NPAS3: variants seen among roughly 807,000 people sequenced by gnomAD.
NPAS3 encodes neuronal PAS domain protein 3.
In NPAS3, 14 loss-of-function variants were observed where a neutral mutation model predicts 73.1. The observed-to-expected ratio is 0.19, with a 90% CI of 0.13 to 0.30. NPAS3 has a LOEUF of 0.30. Among genes scored for constraint, NPAS3 ranks in the 10% least tolerant of loss-of-function variants. The pLI, the probability that NPAS3 is intolerant of heterozygous loss-of-function variation, is 1.00. For missense variants in NPAS3, 1,096 were observed against 1,250.0 expected, an observed-to-expected ratio of 0.88 and a Z score of 1.86; for synonymous variants, 620 against 541.5, an observed-to-expected ratio of 1.14 and a Z score of -2.01.
chr14:33,427,351 C>T (rs2048597835), intron 4 of NPAS3, among the ~76,000 whole-genome samples: 2 of 151,910 alleles, frequency 1.3e-5, no homozygotes, highest in South Asian at 4.1e-4. Context: ...AAAGTACAAA[C>T]CAGTAGTAAT....
intron 4 of NPAS3, among the ~76,000 whole-genome samples, chr14:33,417,743 A>G (rs538352590): frequency 7.9e-5 from 12 of 152,036 alleles, no homozygotes; most frequent in Non-Finnish European, 4.4e-5. Flanking sequence ...AACCTGGGCA[A>G]TGTGAATGCC....
intron 6 of NPAS3, among the ~76,000 whole-genome samples, chr14:33,694,475 T>C (rs559143711): frequency 6.6e-6 from 1 of 152,290 alleles, no homozygotes; most frequent in South Asian, 2.1e-4. Context: ...TGTGATTTAA[T>C]AGTCAAAGGA....
chr14:33,090,609 G>A (rs1359519658), intron 2 of NPAS3, among the ~76,000 whole-genome samples: 1 of 152,102 alleles, frequency 6.6e-6, no homozygotes, highest in African/African-American at 2.4e-5. Flanking sequence ...AGTTAACAAG[G>A]ATATCCAGGA....
chr14:33,774,855 T>C (rs1009059700), intron 8 of NPAS3, among the ~76,000 whole-genome samples: 2 of 152,152 alleles, frequency 1.3e-5, no homozygotes, highest in Non-Finnish European at 1.5e-5. Context: ...ATGTATTGCC[T>C]GATGCCTCAT....
At chr14:33,563,916 G>A (rs2055791762) in intron 5 of NPAS3, among the ~76,000 whole-genome samples, 1 of 152,140 alleles carries the variant, frequency 6.6e-6, no homozygotes, top group South Asian at 2.1e-4. Context: ...CAAAATGTAA[G>A]GGGCTTAATC....
At chr14:33,340,708 G>A (rs1035909928) in intron 3 of NPAS3, among the ~76,000 whole-genome samples, 2 of 152,160 alleles carry the variant, frequency 1.3e-5, no homozygotes, top group African/African-American at 4.8e-5. Context: ...GATCAGCTCT[G>A]TAAAATTCTA....
At chr14:33,118,228 T>G (rs1471614431) in intron 2 of NPAS3, among the ~76,000 whole-genome samples, 2 of 152,058 alleles carry the variant, frequency 1.3e-5, no homozygotes, top group Non-Finnish European at 2.9e-5. Flanking sequence ...TTATCAACAT[T>G]AATATAAATA....
chr14:33,014,309 A>G (rs745778837), intron 1 of NPAS3, among the ~76,000 whole-genome samples: 1 of 152,198 alleles, frequency 6.6e-6, no homozygotes, highest in Non-Finnish European at 1.5e-5. Flanking sequence ...TCTATTTCAT[A>G]ATATGCTTTT....
In NPAS3 at chr14:33,142,844, G is replaced by A. The variant is rs569750107; in HGVS notation, c.141-72338G>A. ...TACCACTTAGCGGTGGCTCACGCCTGTAATCCCAACACTTGGGAAGGCCCA... is the reference window on the plus strand; with the variant it reads ...TACCACTTAGCGGTGGCTCACGCCTATAATCCCAACACTTGGGAAGGCCCA... On this transcript the variant is annotated intron_variant, in intron 2 of 11. Transcript: ENST00000356141. Among the ~76,000 whole-genome samples the A allele has an allele frequency of 1.8e-4, 28 of 152,342 alleles. No individual in the cohort carries two copies. In the South Asian group the frequency reaches 5.8e-3, roughly 32 times the overall value.
At chr14:33,586,717 C>A (rs546417038) in intron 5 of NPAS3, among the ~76,000 whole-genome samples, 1 of 152,118 alleles carries the variant, frequency 6.6e-6, no homozygotes, top group South Asian at 2.1e-4. Flanking sequence ...CAGTATTTGC[C>A]AGTAAATAAA....
At chr14:33,308,531 T>TATACACACACACAC (rs1349895303) in intron 3 of NPAS3, among the ~76,000 whole-genome samples, 1 of 116,012 alleles carries the variant, frequency 8.6e-6, no homozygotes, top group African/African-American at 4.0e-5. Flanking sequence ...TATATATACA[T>TATACACACACACAC]ACACACACAC....
chr14:33,620,817 A>G (rs2058056976), intron 5 of NPAS3, among the ~76,000 whole-genome samples: 1 of 152,120 alleles, frequency 6.6e-6, no homozygotes, highest in Non-Finnish European at 1.5e-5. Context: ...ACAGGCAATC[A>G]TTTTTCTCAG....
At chr14:33,136,729 C>G (rs2139146109) in intron 2 of NPAS3, among the ~76,000 whole-genome samples, 1 of 152,320 alleles carries the variant, frequency 6.6e-6, no homozygotes. Flanking sequence ...GATGTGGGTA[C>G]TTGAAAGATT....
chr14:33,283,972 A>G (rs910862689), intron 3 of NPAS3, among the ~76,000 whole-genome samples: 10 of 152,150 alleles, frequency 6.6e-5, no homozygotes, highest in African/African-American at 2.4e-4. Context: ...CTTTGCGTGC[A>G]CATTACTGTT....
intron 7 of NPAS3, among the ~76,000 whole-genome samples, chr14:33,744,367 A>C (rs561592181): frequency 1.7e-4 from 26 of 152,344 alleles, no homozygotes; most frequent in Admixed American, 6.5e-4. Context: ...TGGAGCAGTC[A>C]GAACACACAC....
intron 4 of NPAS3, among the ~76,000 whole-genome samples, chr14:33,406,814 A>C (rs1256895542): frequency 6.6e-6 from 1 of 152,100 alleles, no homozygotes; most frequent in Non-Finnish European, 1.5e-5. Flanking sequence ...CCCAGAACCA[A>C]AATTTATGAA....
intron 2 of NPAS3, among the ~76,000 whole-genome samples, chr14:33,115,293 G>T (rs1461153159): frequency 6.6e-6 from 1 of 152,132 alleles, no homozygotes; most frequent in Non-Finnish European, 1.5e-5. Context: ...AGGTTTCAAA[G>T]GTTTAAGGAA....
intron 2 of NPAS3, among the ~76,000 whole-genome samples, chr14:33,159,524 T>C (rs2044772299): frequency 6.6e-6 from 1 of 151,624 alleles, no homozygotes; most frequent in Non-Finnish European, 1.5e-5. Context: ...GTGTGCAGAA[T>C]AGCTAATTAT....
At chr14:33,453,630 C>T (rs2049898945) in intron 4 of NPAS3, among the ~76,000 whole-genome samples, 1 of 152,282 alleles carries the variant, frequency 6.6e-6, no homozygotes, top group Non-Finnish European at 1.5e-5. Context: ...AAAATGGGGC[C>T]AGCATTCTGG....
Sources: allele counts gnomAD v4.1 joint callset (sites outside exome capture counted in the v4.1 genomes callset), GRCh38; gene constraint gnomAD v4.1.1; transcripts MANE v1.5; gene names NCBI Gene and HGNC (gene_info 2026-07-23, HGNC 2026-07-21).